Variants in XKR4 observed in about 807,000 individuals in gnomAD.
XKR4 encodes XK related 4, also known as XK-related protein 4.
In XKR4, 12 loss-of-function variants were observed where a neutral mutation model predicts 53.9. That is an observed-to-expected ratio of 0.22 (90% CI 0.14 to 0.36). The LOEUF (loss-of-function observed/expected upper bound fraction) is 0.36. XKR4 is among the 10% of genes least tolerant of loss of function. XKR4 has a pLI of 1.00. For synonymous variants in XKR4, 354 were observed against 362.4 expected (o/e 0.98, Z 0.26); for missense variants, 799 against 859.5 (o/e 0.93, Z 0.88).
chr8:55,228,721 T>C (rs1242831002), intron 1 of XKR4, among the ~76,000 whole-genome samples: 1 of 152,192 alleles, frequency 6.6e-6, no homozygotes, highest in Non-Finnish European at 1.5e-5. Context: ...CTCCTTCTGT[T>C]CTTCTTTATG....
In XKR4 at chr8:55,120,963, A is replaced by G. The variant is rs556473421; in HGVS notation, c.806+17669A>G. 1.6e-3 allele frequency among the ~76,000 whole-genome samples: 241 copies of G among 152,316 alleles called. 2 individuals are homozygous for G. Among genetic ancestry groups the G allele is most frequent in the African/African-American group, 5.2e-3 (218 of 41,558 alleles). Reference sequence around the variant, plus strand: ...TAAAATGTCGTGTAGTTGGAATCATATAGTATGTAGCCTTTGCAGATTGTC... The same window carrying G: ...TAAAATGTCGTGTAGTTGGAATCATGTAGTATGTAGCCTTTGCAGATTGTC... On this transcript the variant is annotated intron_variant, in intron 1 of 2. Coordinates refer to ENST00000327381, the MANE Select transcript of XKR4 (RefSeq NM_052898.2).
intron 2 of XKR4, among the ~76,000 whole-genome samples, chr8:55,471,007 AC>A (rs1288363834): frequency 2.0e-5 from 3 of 152,140 alleles, no homozygotes; most frequent in Non-Finnish European, 4.4e-5. Context: ...ATGTGAATAG[AC>A]TTTTGTCCTG....
intron 1 of XKR4, among the ~76,000 whole-genome samples, chr8:55,236,683 C>T (rs1440544831): frequency 6.6e-6 from 1 of 152,182 alleles, no homozygotes; most frequent in Admixed American, 6.5e-5. Context: ...CTGCATCTCT[C>T]GCCCCAGCTC....
chr8:55,454,677 G>A (rs1348600478), intron 2 of XKR4: 36 of 938,022 alleles, frequency 3.8e-5, no homozygotes, highest in Non-Finnish European at 5.4e-5. Context: ...CGTTCCCTGG[G>A]AACACATTCA....
intron 1 of XKR4, among the ~76,000 whole-genome samples, chr8:55,199,165 GAT>G (rs1321946777): frequency 6.6e-6 from 1 of 152,136 alleles, no homozygotes; most frequent in Non-Finnish European, 1.5e-5. Context: ...GATGTACAGT[GAT>G]AGAAGGTCAA....
At chr8:55,204,934 A>G (rs1336078933) in intron 1 of XKR4, among the ~76,000 whole-genome samples, 1 of 152,224 alleles carries the variant, frequency 6.6e-6, no homozygotes, top group Non-Finnish European at 1.5e-5. Context: ...CTGTTAGATG[A>G]CATGGAAGGC....
intron 1 of XKR4, among the ~76,000 whole-genome samples, chr8:55,289,900 G>GAAAGAAAGAAAA (rs1818994486): frequency 9.9e-6 from 1 of 101,128 alleles, no homozygotes; most frequent in Non-Finnish European, 2.4e-5. Context: ...AAGAAAGAAA[G>GAAAGAAAGAAAA]AAAGAAACTG....
At chr8:55,519,772 C>T (rs1002375585) in intron 2 of XKR4, among the ~76,000 whole-genome samples, 4 of 152,012 alleles carry the variant, frequency 2.6e-5, no homozygotes, top group African/African-American at 9.7e-5. Flanking sequence ...TAAGAGAATG[C>T]CCCTATTCAT....
chr8:55,233,377 C>T (rs1832855809), intron 1 of XKR4, among the ~76,000 whole-genome samples: 1 of 145,818 alleles, frequency 6.9e-6, no homozygotes, highest in African/African-American at 2.4e-5. Flanking sequence ...CCCACTGGGG[C>T]CATCTGATCT....
At chr8:55,174,486 A>T (rs145042822) in intron 1 of XKR4, among the ~76,000 whole-genome samples, 1 of 152,172 alleles carries the variant, frequency 6.6e-6, no homozygotes, top group Admixed American at 6.5e-5. Context: ...GGGGCTTCAC[A>T]AAGTGCTTGT....
At chr8:55,465,673 A>G (rs1442356240) in intron 2 of XKR4, among the ~76,000 whole-genome samples, 1 of 152,094 alleles carries the variant, frequency 6.6e-6, no homozygotes, top group East Asian at 1.9e-4. Flanking sequence ...GCACAGCAAA[A>G]GAAACCACCA....
At chr8:55,493,250 A>G (rs1368012545) in intron 2 of XKR4, among the ~76,000 whole-genome samples, 1 of 152,210 alleles carries the variant, frequency 6.6e-6, no homozygotes, top group African/African-American at 2.4e-5. Flanking sequence ...AAATCATAGC[A>G]TCCTACCAGG....
chr8:55,437,365 C>G (rs1805191844), intron 2 of XKR4, among the ~76,000 whole-genome samples: 1 of 151,946 alleles, frequency 6.6e-6, no homozygotes, highest in African/African-American at 2.4e-5. Flanking sequence ...GGTTTCTACC[C>G]CAAATCAGAT....
chr8:55,450,921 C>T (rs1805430228), intron 2 of XKR4: 1 of 484,832 alleles, frequency 2.1e-6, no homozygotes, highest in African/African-American at 2.0e-5. Context: ...CTGAATCAGC[C>T]ACTCTGAGTC....
intron 1 of XKR4, among the ~76,000 whole-genome samples, chr8:55,335,701 AC>A (rs1447115230): frequency 7.2e-5 from 11 of 152,224 alleles, no homozygotes; most frequent in African/African-American, 2.7e-4. Flanking sequence ...GAGTGGATAA[AC>A]AAACTTGTAC....
At chr8:55,297,629 G>A (rs1819119636) in intron 1 of XKR4, among the ~76,000 whole-genome samples, 1 of 152,106 alleles carries the variant, frequency 6.6e-6, no homozygotes, top group Non-Finnish European at 1.5e-5. Flanking sequence ...AAAGAGACTG[G>A]GAATGTTGTC....
intron 1 of XKR4, among the ~76,000 whole-genome samples, chr8:55,141,585 G>A (rs1036341057): frequency 6.6e-6 from 1 of 151,380 alleles, no homozygotes. Context: ...GTTGATTCTC[G>A]TCACCCTCTG....
intron 1 of XKR4, among the ~76,000 whole-genome samples, chr8:55,174,881 C>A (rs1417517723): frequency 2.0e-5 from 3 of 152,170 alleles, no homozygotes; most frequent in African/African-American, 7.2e-5. Flanking sequence ...AGCCAACGAT[C>A]CCATATCATG....
intron 2 of XKR4, among the ~76,000 whole-genome samples, chr8:55,522,744 A>G (rs1806814573): frequency 6.6e-6 from 1 of 152,182 alleles, no homozygotes; most frequent in Admixed American, 6.5e-5. Context: ...CCTCCGGTCC[A>G]TGGTTATTTT....
Sources: allele counts gnomAD v4.1 joint callset (sites outside exome capture counted in the v4.1 genomes callset), GRCh38; gene constraint gnomAD v4.1.1; transcripts MANE v1.5; gene names NCBI Gene and HGNC (gene_info 2026-07-23, HGNC 2026-07-21).